Variants in COL24A1 observed in about 807,000 individuals in gnomAD.
The protein encoded by COL24A1 is collagen type XXIV alpha 1 chain.
Under a neutral mutation model 253.9 loss-of-function variants are expected in COL24A1, and 224 were observed. The ratio of observed to expected loss-of-function variants is 0.88; its 90% CI spans 0.79 to 0.99. The LOEUF (loss-of-function observed/expected upper bound fraction) is 0.99, where lower values mean the gene tolerates loss of function less well. Ranked by LOEUF, COL24A1 falls within the 50% of genes least tolerant of loss-of-function variation. The probability of loss-of-function intolerance (pLI) is 0.00; values close to 1 mark genes in which losing one functional copy is unlikely to be tolerated. For missense variants in COL24A1, 2,131 were observed against 2,068.5 expected (o/e 1.03, Z -0.59); for synonymous variants, 685 against 673.7 (o/e 1.02, Z -0.26).
chr1:85,939,351 T>C (rs77158976), intron 24 of COL24A1, among the ~76,000 whole-genome samples: 5,830 of 152,176 alleles, frequency 0.038, 183 homozygotes, highest in African/African-American at 0.08. Flanking sequence ...TTCACTGTAG[T>C]TTCAATGTCT....
chr1:85,797,014 C>A (rs1670881009), intron 47 of COL24A1, among the ~76,000 whole-genome samples: 2 of 150,676 alleles, frequency 1.3e-5, no homozygotes, highest in East Asian at 2.0e-4. Context: ...TCCTGGGTAA[C>A]ATGGTGAAAC....
chr1:85,896,425 A>T lies in COL24A1; in HGVS notation c.2779-16T>A, dbSNP rs911893848. ...CTCTTGATCCCTAGAGGTGAAAAAA[A>T]TATCCTGTTGTTAATTTGAAATGTT... On this transcript the variant is annotated splice_polypyrimidine_tract_variant and intron_variant, in intron 28 of 59. Coordinates refer to ENST00000370571, the MANE Select transcript of COL24A1 (RefSeq NM_152890.7). The T allele has an allele frequency of 1.7e-5, 27 of 1,604,366 alleles. No individual in the cohort carries two copies. The highest frequency in any genetic ancestry group is 2.7e-5 in the African/African-American group (2 of 74,612).
At chr1:85,815,584 T>C (rs1672978037) in intron 47 of COL24A1, among the ~76,000 whole-genome samples, 1 of 152,154 alleles carries the variant, frequency 6.6e-6, no homozygotes, top group Non-Finnish European at 1.5e-5. Context: ...ATAATTATAT[T>C]GGTTAAGTTA....
intron 10 of COL24A1, among the ~76,000 whole-genome samples, chr1:86,054,231 C>T (rs1700516675): frequency 6.6e-6 from 1 of 152,030 alleles, no homozygotes; most frequent in Non-Finnish European, 1.5e-5. Context: ...TGGACACCGG[C>T]CTAGGCAAAG....
chr1:85,961,373 T>A lies in COL24A1; in HGVS notation c.2518-80A>T, dbSNP rs567598975. On this transcript the variant is annotated intron_variant, in intron 23 of 59. Coordinates refer to ENST00000370571, the MANE Select transcript of COL24A1 (RefSeq NM_152890.7). ...TCATGACAGTTTCAATTTTCCTTTT[T>A]AATGTAATTATCTAGTCATAACCTA... is the stretch of plus-strand genomic sequence containing the variant. 2.6e-6 allele frequency: 3 copies of A among 1,137,110 alleles called. No homozygotes were observed. The African/African-American group carries it at 4.7e-5, about 18-fold the overall frequency. 70.4% of individuals were successfully genotyped at this position (1,137,110 alleles called of 1,614,324 possible).
At chr1:86,028,678 G>A (rs1698272032) in intron 14 of COL24A1, among the ~76,000 whole-genome samples, 2 of 152,212 alleles carry the variant, frequency 1.3e-5, no homozygotes, top group Admixed American at 6.5e-5. Context: ...GTTATCATTA[G>A]CCATTTCCTT....
chr1:86,138,858 T>TA (rs201540348), intron 2 of COL24A1, among the ~76,000 whole-genome samples: 12 of 152,112 alleles, frequency 7.9e-5, no homozygotes, highest in Admixed American at 3.3e-4. Flanking sequence ...CTTTTTTTTT[T>TA]ATCTCATCCC....
At chr1:85,741,033 C>T (rs1403272828) in intron 57 of COL24A1, among the ~76,000 whole-genome samples, 4 of 147,394 alleles carry the variant, frequency 2.7e-5, no homozygotes, top group Admixed American at 1.3e-4. Flanking sequence ...GCTGGAGAAT[C>T]GCTTGAACCT....
intron 24 of COL24A1, among the ~76,000 whole-genome samples, chr1:85,941,320 C>A (rs998181295): frequency 6.6e-6 from 1 of 152,026 alleles, no homozygotes; most frequent in Admixed American, 6.6e-5. Flanking sequence ...TGCCTCCCCC[C>A]ACTGTCAATA....
At chr1:86,137,176 G>T (rs567430069) in intron 2 of COL24A1, among the ~76,000 whole-genome samples, 1 of 152,190 alleles carries the variant, frequency 6.6e-6, no homozygotes, top group African/African-American at 2.4e-5. Context: ...TGCTTGTTTT[G>T]TGAGTGGCCC....
chr1:85,771,897 C>T (rs1256517411), intron 53 of COL24A1, among the ~76,000 whole-genome samples: 1 of 148,952 alleles, frequency 6.7e-6, no homozygotes, highest in Non-Finnish European at 1.5e-5. Context: ...GCGCTGCACC[C>T]ACTAACTCGT....
At chr1:85,908,333 C>T (rs1571174820) in intron 27 of COL24A1, among the ~76,000 whole-genome samples, 1 of 151,432 alleles carries the variant, frequency 6.6e-6, no homozygotes, top group Admixed American at 6.6e-5. Context: ...ATCCTGTTTC[C>T]TTATATGTGG....
rs886916602 is a variant in COL24A1, at chr1:85,966,034, TAGA to T, written c.2464-975_2464-973del. Among the ~76,000 whole-genome samples, 40 of 152,118 alleles carry T rather than the reference TAGA, an allele frequency of 2.6e-4. 2 individuals are homozygous for T. The highest frequency in any genetic ancestry group is 2.6e-3 in the Admixed American group (40 of 15,252). On this transcript the variant is annotated intron_variant, in intron 22 of 59. Transcript: ENST00000370571. ...TAACAGGATCACTTTGATTCCAGGGTAGAAGAAGAGAGTCCAAATAAGCGTCTA... is the reference window on the plus strand; with the variant it reads ...TAACAGGATCACTTTGATTCCAGGGTAGAAGAGAGTCCAAATAAGCGTCTA...
chr1:86,089,513 A>C (rs1386946450), intron 6 of COL24A1, among the ~76,000 whole-genome samples: 2 of 152,126 alleles, frequency 1.3e-5, no homozygotes, highest in Non-Finnish European at 2.9e-5. Flanking sequence ...TCCAAGGTCT[A>C]CCATGTTTTA....
At chr1:86,072,989 C>T (rs536377362) in intron 7 of COL24A1, among the ~76,000 whole-genome samples, 1 of 152,194 alleles carries the variant, frequency 6.6e-6, no homozygotes, top group South Asian at 2.1e-4. Flanking sequence ...ACATCAAAGA[C>T]CAAAGGTAGA....
chr1:85,800,067 C>A (rs754767747), intron 47 of COL24A1, among the ~76,000 whole-genome samples: 49 of 152,100 alleles, frequency 3.2e-4, no homozygotes, highest in Non-Finnish European at 6.0e-4. Flanking sequence ...AACAATGGTT[C>A]CCAATTAGAG....
At chr1:85,786,309 G>A in intron 48 of COL24A1, 45 bp downstream of exon 48, 1 of 1,517,330 alleles carries the variant, frequency 6.6e-7, no homozygotes. Flanking sequence ...GGGCCAGAAA[G>A]GATGGCCAAT....
At chr1:86,097,423 C>T (rs928223139) in intron 5 of COL24A1, among the ~76,000 whole-genome samples, 6 of 149,334 alleles carry the variant, frequency 4.0e-5, no homozygotes, top group African/African-American at 1.2e-4. Context: ...TTCTACTTCT[C>T]CTCCTCCTTC....
intron 1 of COL24A1, among the ~76,000 whole-genome samples, chr1:86,153,600 G>A (rs562437297): frequency 1.2e-4 from 19 of 152,162 alleles, no homozygotes; most frequent in South Asian, 2.1e-4. Flanking sequence ...TTATTCTGCC[G>A]TTCACAAATT....
Sources: gnomAD v4.1 joint callset for allele counts (sites outside exome capture counted in the v4.1 genomes callset) on GRCh38, gnomAD v4.1.1 for gene constraint, MANE v1.5 for transcripts, NCBI Gene and HGNC (gene_info 2026-07-23, HGNC 2026-07-21) for gene names.